DDX10: variants seen among roughly 807,000 people sequenced by gnomAD.
DDX10 encodes the protein DEAD-box helicase 10, also known as probable ATP-dependent RNA helicase DDX10.
A neutral mutation model predicts 104.3 loss-of-function variants in DDX10; 74 were observed. That is an observed-to-expected ratio of 0.71 (90% CI 0.59 to 0.86). The LOEUF is 0.86. DDX10 is among the 40% of genes least tolerant of loss of function. DDX10 has a pLI of 0.00. For missense variants in DDX10, 952 were observed against 1,040.0 expected (o/e 0.92, Z 1.16); for synonymous variants, 351 against 353.4 (o/e 0.99, Z 0.08).
intron 9 of DDX10, among the ~76,000 whole-genome samples, 154 bp downstream of exon 9, chr11:108,693,754 C>CT (rs1273974173): frequency 6.6e-6 from 1 of 152,152 alleles, no homozygotes; most frequent in Non-Finnish European, 1.5e-5. Flanking sequence ...ATCATTATGG[C>CT]TAAGACTTGA....
intron 16 of DDX10, among the ~76,000 whole-genome samples, chr11:108,883,065 T>C (rs531489585): frequency 5.9e-5 from 9 of 152,268 alleles, no homozygotes; most frequent in African/African-American, 1.9e-4. Flanking sequence ...ACGGGGTTTT[T>C]CCCCCCTCTC....
chr11:108,694,832 G>C (rs535768952), intron 9 of DDX10, among the ~76,000 whole-genome samples: 1 of 152,212 alleles, frequency 6.6e-6, no homozygotes, highest in South Asian at 2.1e-4. Context: ...AGTGAGCCGA[G>C]ATCGCACCAC....
At chr11:108,790,481 T>C (rs886737086) in intron 13 of DDX10, among the ~76,000 whole-genome samples, 9 of 152,350 alleles carry the variant, frequency 5.9e-5, no homozygotes, top group African/African-American at 1.7e-4. Flanking sequence ...TTATCAAAAT[T>C]GATTCCCTTC....
At chr11:108,788,041 G>A (rs1277617621) in intron 13 of DDX10, among the ~76,000 whole-genome samples, 3 of 152,198 alleles carry the variant, frequency 2.0e-5, no homozygotes, top group Non-Finnish European at 2.9e-5. Flanking sequence ...CTTCTGGATT[G>A]TTTTACTGTA....
chr11:108,671,016 A>C (rs1359829071), intron 1 of DDX10, among the ~76,000 whole-genome samples: 2 of 152,160 alleles, frequency 1.3e-5, no homozygotes, highest in Admixed American at 6.5e-5. Flanking sequence ...AACTTTTCCA[A>C]CAGCCGTGGG....
chr11:108,748,012 C>T (rs572194523), intron 13 of DDX10, among the ~76,000 whole-genome samples: 3 of 151,962 alleles, frequency 2.0e-5, no homozygotes, highest in South Asian at 2.1e-4. Flanking sequence ...GACTGATGTG[C>T]GTGCAAAAAA....
At chr11:108,883,083 G>T (rs1863248807) in intron 16 of DDX10, among the ~76,000 whole-genome samples, 1 of 152,040 alleles carries the variant, frequency 6.6e-6, no homozygotes, top group Admixed American at 6.6e-5. Flanking sequence ...CTCTTGACAT[G>T]CTTTCTCTGC....
intron 16 of DDX10, among the ~76,000 whole-genome samples, chr11:108,879,364 T>G (rs1407208982): frequency 1.3e-5 from 2 of 152,052 alleles, no homozygotes; most frequent in Non-Finnish European, 2.9e-5. Context: ...TTAGCTGTAT[T>G]CTTACAAAGA....
chr11:108,862,824 T>C (rs777652659), intron 16 of DDX10, among the ~76,000 whole-genome samples: 22 of 152,152 alleles, frequency 1.4e-4, no homozygotes, highest in Non-Finnish European at 2.6e-4. Flanking sequence ...GATAGGACAC[T>C]AAGAGCTATT....
chr11:108,824,434 C>T (rs543787976), intron 13 of DDX10, among the ~76,000 whole-genome samples: 102 of 152,254 alleles, frequency 6.7e-4, no homozygotes, highest in Non-Finnish European at 7.2e-4. Context: ...GTTATCTTTA[C>T]TTTTAATGTT....
rs544072532 is a variant in DDX10, at chr11:108,940,665, T to G, written c.*242T>G. On this transcript the variant is annotated 3_prime_UTR_variant, in exon 18 of 18. Coordinates refer to ENST00000322536, the MANE Select transcript of DDX10 (RefSeq NM_004398.4). The stretch of plus-strand genomic sequence containing the variant: ...CCTGACCCCGTTTTCCAGCATGTGT[T>G]CTGTTAGATTTTTATCCATGGGTTC... 12 of 356,632 alleles carry G rather than the reference T, an allele frequency of 3.4e-5. No homozygotes were observed. Among genetic ancestry groups the G allele is most frequent in the African/African-American group, 2.4e-4 (12 of 49,052 alleles). The allele number at this position is 356,632 out of a possible 1,614,324, so 22.1% of individuals were successfully genotyped here.
chr11:108,885,899 T>C (rs780996237), intron 16 of DDX10, among the ~76,000 whole-genome samples: 80 of 152,268 alleles, frequency 5.3e-4, no homozygotes, highest in Non-Finnish European at 4.9e-4. Context: ...CACTTTGAGG[T>C]AGAAAATCTT....
chr11:108,855,977 T>C (rs1303828113), intron 16 of DDX10, among the ~76,000 whole-genome samples: 1 of 152,228 alleles, frequency 6.6e-6, no homozygotes, highest in African/African-American at 2.4e-5. Flanking sequence ...CACTTGTTTT[T>C]ATTTTTTGGT....
intron 16 of DDX10, among the ~76,000 whole-genome samples, chr11:108,866,671 C>CT (rs1863011394): frequency 1.3e-5 from 2 of 152,140 alleles, no homozygotes; most frequent in Non-Finnish European, 2.9e-5. Flanking sequence ...TTTTTAATAG[C>CT]TGCCAGTATT....
chr11:108,766,596 G>A (rs1456393317), intron 13 of DDX10, among the ~76,000 whole-genome samples: 1 of 152,098 alleles, frequency 6.6e-6, no homozygotes, highest in Non-Finnish European at 1.5e-5. Context: ...TAATAACTTG[G>A]GAGTGAGTTT....
chr11:108,879,381 G>A (rs985784255), intron 16 of DDX10, among the ~76,000 whole-genome samples: 4 of 152,008 alleles, frequency 2.6e-5, no homozygotes, highest in African/African-American at 9.7e-5. Context: ...AAGATAAACA[G>A]GTAGCTTCCT....
At chr11:108,787,455 T>A (rs1861810085) in intron 13 of DDX10, among the ~76,000 whole-genome samples, 1 of 148,248 alleles carries the variant, frequency 6.7e-6, no homozygotes, top group African/African-American at 2.4e-5. Flanking sequence ...GCTTACACTC[T>A]CTCCTTCTCT....
intron 6 of DDX10, among the ~76,000 whole-genome samples, chr11:108,686,776 G>T (rs553331817): frequency 1.3e-5 from 2 of 152,030 alleles, no homozygotes; most frequent in Non-Finnish European, 2.9e-5. Flanking sequence ...GTGATAGTTG[G>T]GTCAGGTACT....
chr11:108,683,878 G>A (rs867503158), intron 6 of DDX10, among the ~76,000 whole-genome samples: 5 of 152,014 alleles, frequency 3.3e-5, no homozygotes, highest in African/African-American at 1.2e-4. Flanking sequence ...TGTTTTTGGT[G>A]GGGGGTGGAG....
Sources: gnomAD v4.1 joint callset for allele counts (sites outside exome capture counted in the v4.1 genomes callset) on GRCh38, gnomAD v4.1.1 for gene constraint, MANE v1.5 for transcripts, NCBI Gene and HGNC (gene_info 2026-07-23, HGNC 2026-07-21) for gene names.